Variants in FAM120C observed in about 807,000 individuals in gnomAD.
The protein encoded by FAM120C is constitutive coactivator of PPAR-gamma-like protein 2.
A neutral mutation model predicts 71.2 loss-of-function variants in FAM120C; 14 were observed. The ratio of observed to expected loss-of-function variants is 0.20; its 90% CI spans 0.13 to 0.31. FAM120C has a LOEUF of 0.31. FAM120C is among the 10% of genes least tolerant of loss of function. The probability of loss-of-function intolerance (pLI) is 1.00; values close to 1 mark genes in which losing one functional copy is unlikely to be tolerated. For missense variants in FAM120C, 500 were observed against 879.0 expected, an observed-to-expected ratio of 0.57 and a Z score of 5.45; for synonymous variants, 354 against 353.2, an observed-to-expected ratio of 1.00 and a Z score of -0.03.
intron 10 of FAM120C, among the ~76,000 whole-genome samples, chrX:54,096,319 G>C (rs2066851317): frequency 9.0e-6 from 1 of 111,402 alleles, no homozygotes; most frequent in Admixed American, 9.6e-5. Context: ...GCTGAGGTGG[G>C]AGAATTGCTT....
intron 10 of FAM120C, among the ~76,000 whole-genome samples, chrX:54,111,676 G>A (rs1229864571): frequency 9.0e-6 from 1 of 111,676 alleles, no homozygotes; most frequent in African/African-American, 3.2e-5. Flanking sequence ...CCCATAGATC[G>A]GAAGAATCAA....
intron 13 of FAM120C, 60 bp from the exon 14 acceptor site, chrX:54,081,520 C>T (rs1303246530): frequency 8.8e-7 from 1 of 1,140,183 alleles, no homozygotes; most frequent in Non-Finnish European, 1.2e-6. Flanking sequence ...GCCTGTAATC[C>T]CAAAACTTTG....
intron 1 of FAM120C, chrX:54,174,133 A>G: frequency 1.9e-6 from 1 of 514,124 alleles, no homozygotes; most frequent in Non-Finnish European, 3.5e-6. Context: ...GGCAGCTCAC[A>G]ACATGGCAGC....
At chrX:54,172,246 C>A (rs2067292356) in intron 1 of FAM120C, among the ~76,000 whole-genome samples, 1 of 112,215 alleles carries the variant, frequency 8.9e-6, no homozygotes, top group Non-Finnish European at 1.9e-5. Flanking sequence ...GATGCCAAAT[C>A]ATTTTTTTCA....
chrX:54,073,219 T>A lies in FAM120C; in HGVS notation c.3105A>T (p.Gly1035=), dbSNP rs146408013. 8 of 1,208,304 alleles carry A rather than the reference T, an allele frequency of 6.6e-6. No individual in the cohort carries two copies. The highest frequency in any genetic ancestry group is 8.9e-6 in the Non-Finnish European group (8 of 894,385). Residue 1035 remains glycine (G), a synonymous_variant, in exon 16 of 16, where the codon GGA becomes GGT. Transcript: ENST00000375180. ...CTTCCTTGATCAATGCGCCACTGTT[T>A]CCATTTACCTGGGAGCGAGACCGAC... ...HQGRSRSQVN[G]NSGALIKEEK...
chrX:54,094,709 C>T (rs962330029), intron 10 of FAM120C, among the ~76,000 whole-genome samples: 3 of 108,336 alleles, frequency 2.8e-5, no homozygotes, highest in African/African-American at 1.0e-4. Flanking sequence ...CCAGCCTGGC[C>T]AACATGGTGA....
chrX:54,163,908 G>A (rs1318553287), intron 1 of FAM120C, among the ~76,000 whole-genome samples: 1 of 105,620 alleles, frequency 9.5e-6, no homozygotes, highest in African/African-American at 3.5e-5. Flanking sequence ...GTGTGTGTGT[G>A]TATGTGTGTA....
At chrX:54,140,012 G>A (rs781802002) in intron 4 of FAM120C, among the ~76,000 whole-genome samples, 4 of 111,189 alleles carry the variant, frequency 3.6e-5, no homozygotes, top group Non-Finnish European at 5.7e-5. Flanking sequence ...AAGGGTTCCC[G>A]GCCGGGCACG....
At chrX:54,116,939 T>C in intron 9 of FAM120C, 145 bp from the exon 10 acceptor site, 5 of 681,234 alleles carry the variant, frequency 7.3e-6, no homozygotes, top group Non-Finnish European at 1.1e-5. Context: ...GCAGGAATAG[T>C]ACACGTTTAT....
At chrX:54,110,109 C>T (rs1183940905) in intron 10 of FAM120C, among the ~76,000 whole-genome samples, 2 of 101,879 alleles carry the variant, frequency 2.0e-5, no homozygotes, top group African/African-American at 7.2e-5. Context: ...CTCTACCTCC[C>T]GGGTTCACGC....
At chrX:54,081,608 A>G (rs2066765636) in intron 13 of FAM120C, 148 bp from the exon 14 acceptor site, 2 of 556,016 alleles carry the variant, frequency 3.6e-6, no homozygotes, top group Non-Finnish European at 5.4e-6. Flanking sequence ...CCCTGTCTCT[A>G]CTAAAAATAC....
chrX:54,155,515 G>A (rs1557133588), intron 3 of FAM120C, among the ~76,000 whole-genome samples: 3 of 111,649 alleles, frequency 2.7e-5, no homozygotes. Flanking sequence ...TGACCCTGTT[G>A]AGAGCAATTT....
intron 3 of FAM120C, among the ~76,000 whole-genome samples, chrX:54,156,542 C>T (rs782071246): frequency 9.3e-6 from 1 of 107,578 alleles, no homozygotes; most frequent in African/African-American, 3.4e-5. Flanking sequence ...GTCTTGATAA[C>T]AGTGGGTAAA....
intron 9 of FAM120C, among the ~76,000 whole-genome samples, chrX:54,124,866 T>G (rs1468878632): frequency 8.9e-6 from 1 of 112,576 alleles, no homozygotes; most frequent in Non-Finnish European, 1.9e-5. Flanking sequence ...TTTTGCCAAT[T>G]TTCTAATTCA....
intron 4 of FAM120C, among the ~76,000 whole-genome samples, chrX:54,145,674 T>C (rs1403156908): frequency 7.2e-5 from 8 of 111,767 alleles, no homozygotes; most frequent in African/African-American, 2.3e-4. Flanking sequence ...CTGGAGAGGA[T>C]GTGGAGAAAT....
At chrX:54,130,098 GGGGAGA>G (rs1180041850) in intron 9 of FAM120C, among the ~76,000 whole-genome samples, 25 of 79,853 alleles carry the variant, frequency 3.1e-4, no homozygotes, top group African/African-American at 7.1e-4. Context: ...GGGAGACCGT[GGGGAGA>G]GGGAGAGGGA....
In FAM120C at chrX:54,071,962, ATGTATG is replaced by A. The variant is rs2066710991; in HGVS notation, c.*1065_*1070del. ...TATGTATGTATGTATGTATGTATGT[ATGTATG>A]TGTGTATATATGTGTGTATATATAT... On this transcript the variant is annotated 3_prime_UTR_variant, in exon 16 of 16. Transcript: ENST00000375180. The A allele has an allele frequency of 9.6e-6, 1 of 103,735 alleles. No homozygotes were observed. The highest frequency in any genetic ancestry group is 2.0e-5 in the Non-Finnish European group (1 of 50,826). 8.5% of individuals were successfully genotyped at this position (103,735 alleles called of 1,213,427 possible). A position where few individuals can be genotyped will look rare whatever the true frequency, so the allele number is the denominator to read the frequency against.
intron 9 of FAM120C, among the ~76,000 whole-genome samples, chrX:54,127,892 C>T (rs943729942): frequency 9.1e-6 from 1 of 110,309 alleles, no homozygotes; most frequent in Non-Finnish European, 1.9e-5. Flanking sequence ...CATGCCTGGC[C>T]CAGGTATCTT....
At chrX:54,083,478 C>CACACACA (rs782758591) in intron 13 of FAM120C, among the ~76,000 whole-genome samples, 28 of 101,731 alleles carry the variant, frequency 2.8e-4, no homozygotes, top group South Asian at 4.3e-4. Flanking sequence ...CACACACACA[C>CACACACA]CAAAATATTA....
Sources: allele counts gnomAD v4.1 joint callset (sites outside exome capture counted in the v4.1 genomes callset), GRCh38; gene constraint gnomAD v4.1.1; transcripts MANE v1.5; gene names NCBI Gene and HGNC (gene_info 2026-07-23, HGNC 2026-07-21).